Variants in ZHX2 observed in about 807,000 individuals in gnomAD.
ZHX2 encodes the protein zinc fingers and homeoboxes protein 2.
ZHX2 carries 6 observed loss-of-function variants against 21.9 expected under a neutral mutation model. The ratio of observed to expected loss-of-function variants is 0.27; its 90% CI spans 0.15 to 0.54. The LOEUF (loss-of-function observed/expected upper bound fraction) is 0.54, where lower values mean the gene tolerates loss of function less well. ZHX2 is among the 20% of genes least tolerant of loss of function. The probability of loss-of-function intolerance (pLI) is 0.95; values close to 1 mark genes in which losing one functional copy is unlikely to be tolerated. For synonymous variants in ZHX2, 434 were observed against 437.1 expected (o/e 0.99, Z 0.09); for missense variants, 908 against 1,090.7 (o/e 0.83, Z 2.36).
At chr8:122,851,203 G>A (rs1354368561) in intron 1 of ZHX2, among the ~76,000 whole-genome samples, 1 of 152,118 alleles carries the variant, frequency 6.6e-6, no homozygotes, top group Non-Finnish European at 1.5e-5. Flanking sequence ...AAGATTTATG[G>A]ATAAAATGAA....
At chr8:122,951,182 T>C (rs1464509826) in intron 2 of ZHX2, 110 bp from the exon 3 acceptor site, 2 of 270,422 alleles carry the variant, frequency 7.4e-6, no homozygotes, top group Non-Finnish European at 1.4e-5. Context: ...CATCCATAGA[T>C]GTTCGATTTG....
chr8:122,891,291 T>C lies in ZHX2; in HGVS notation c.-220+27752T>C, dbSNP rs1020653862. Reference sequence around the variant, plus strand: ...TAGATTGTGTGTGTGTGTGTGTGTGTGTGTGTGTGTGTGTGTGTGTGTGTG... The same window carrying C: ...TAGATTGTGTGTGTGTGTGTGTGTGCGTGTGTGTGTGTGTGTGTGTGTGTG... On this transcript the variant is annotated intron_variant, in intron 2 of 3. Coordinates refer to ENST00000314393, the MANE Select transcript of ZHX2 (RefSeq NM_014943.5). Among the ~76,000 whole-genome samples the C allele has an allele frequency of 2.6e-3, 390 of 147,862 alleles. 2 individuals carry two copies. The highest frequency in any genetic ancestry group is 9.4e-3 in the African/African-American group (380 of 40,580).
rs779695161 is a variant in ZHX2 at position 122,952,404 on chromosome 8, C to T, written c.894C>T (p.Ala298=). 4 of 1,614,186 alleles carry T rather than the reference C, an allele frequency of 2.5e-6. No individual in the cohort carries two copies. The highest frequency in any genetic ancestry group is 2.2e-5 in the South Asian group (2 of 91,088). Residue 298 remains alanine, a synonymous_variant, in exon 3 of 4, where the codon GCC becomes GCT. Coordinates refer to ENST00000314393, the MANE Select transcript of ZHX2 (RefSeq NM_014943.5). This position sits in a 1 kb window ranked among gnomAD's most constrained non-coding sequence, Gnocchi z 6.9. ...TQAELSWLTA[A]SKHPEEHIRI... Reference sequence around the variant, plus strand: ...CTGAGTTGTCCTGGCTGACAGCTGCCTCCAAACACCCAGAGGAGCACATCA... The same window carrying T: ...CTGAGTTGTCCTGGCTGACAGCTGCTTCCAAACACCCAGAGGAGCACATCA...
At chr8:122,852,004 C>A (rs145538483) in intron 1 of ZHX2, among the ~76,000 whole-genome samples, 2 of 152,314 alleles carry the variant, frequency 1.3e-5, no homozygotes, top group Non-Finnish European at 2.9e-5. Flanking sequence ...GGTTCTCCTT[C>A]CTGTTTAATT....
At chr8:122,839,600 G>C (rs1476603138) in intron 1 of ZHX2, among the ~76,000 whole-genome samples, 1 of 152,198 alleles carries the variant, frequency 6.6e-6, no homozygotes, top group African/African-American at 2.4e-5. Context: ...ATTGGAAGAG[G>C]CCTTAGGAAC....
chr8:122,795,448 C>T (rs1477105458), intron 1 of ZHX2, among the ~76,000 whole-genome samples: 1 of 152,214 alleles, frequency 6.6e-6, no homozygotes, highest in African/African-American at 2.4e-5. Flanking sequence ...GGCCTTATCC[C>T]TTGTTTCCTC....
chr8:122,865,361 C>T (rs1212029289), intron 2 of ZHX2, among the ~76,000 whole-genome samples: 1 of 152,118 alleles, frequency 6.6e-6, no homozygotes, highest in African/African-American at 2.4e-5. Context: ...ATCTCCTGAC[C>T]TCATGATCCG....
intron 2 of ZHX2, among the ~76,000 whole-genome samples, chr8:122,876,144 C>G (rs1819566579): frequency 7.2e-6 from 1 of 138,416 alleles, no homozygotes. Context: ...CTCCCTTGAT[C>G]CCTCCCTCCC....
chr8:122,920,919 G>A (rs968194158), intron 2 of ZHX2, among the ~76,000 whole-genome samples: 15 of 152,128 alleles, frequency 9.9e-5, no homozygotes, highest in African/African-American at 3.1e-4. Context: ...CAGCACCTAC[G>A]TTTGCGTCCT....
intron 1 of ZHX2, among the ~76,000 whole-genome samples, chr8:122,799,959 A>G (rs1817685165): frequency 6.6e-6 from 1 of 151,772 alleles, no homozygotes; most frequent in Non-Finnish European, 1.5e-5. Context: ...CACCTCCCAA[A>G]CGATTCTCCT....
chr8:122,829,720 G>A (rs545021027), intron 1 of ZHX2, among the ~76,000 whole-genome samples: 1 of 152,326 alleles, frequency 6.6e-6, no homozygotes, highest in South Asian at 2.1e-4. Context: ...TGTAAGAGTT[G>A]AGTGTTCTGA....
intron 1 of ZHX2, among the ~76,000 whole-genome samples, chr8:122,804,596 G>A (rs1377184420): frequency 3.3e-5 from 5 of 152,170 alleles, no homozygotes; most frequent in African/African-American, 2.4e-5. Context: ...TTGCTAGGCC[G>A]GAGGTATGCA....
At chr8:122,869,011 G>A (rs1180672228) in intron 2 of ZHX2, among the ~76,000 whole-genome samples, 3 of 152,232 alleles carry the variant, frequency 2.0e-5, no homozygotes, top group Non-Finnish European at 4.4e-5. Context: ...GCAGACAACA[G>A]ACAAGTGCAC....
intron 2 of ZHX2, among the ~76,000 whole-genome samples, chr8:122,878,321 C>T (rs773618239): frequency 1.3e-5 from 2 of 152,182 alleles, no homozygotes; most frequent in Middle Eastern, 3.2e-3. Flanking sequence ...ACTTATTTAG[C>T]ATGAAAGTCT....
At chr8:122,847,364 TG>T (rs2130729676) in intron 1 of ZHX2, among the ~76,000 whole-genome samples, 2 of 152,306 alleles carry the variant, frequency 1.3e-5, no homozygotes, top group South Asian at 4.1e-4. Context: ...CTGCCCCAGG[TG>T]GCCTTCCCTC....
At chr8:122,834,714 TA>T (rs1322950681) in intron 1 of ZHX2, among the ~76,000 whole-genome samples, 2 of 152,234 alleles carry the variant, frequency 1.3e-5, no homozygotes, top group Non-Finnish European at 2.9e-5. Context: ...AGGTTTAAGA[TA>T]GTGGTTCCTT....
At chr8:122,788,476 A>T (rs763627489) in intron 1 of ZHX2, among the ~76,000 whole-genome samples, 2 of 152,128 alleles carry the variant, frequency 1.3e-5, no homozygotes, top group Non-Finnish European at 2.9e-5. Flanking sequence ...CTAAGGCAGG[A>T]GGATCGCTTG....
At chr8:122,844,585 G>A (rs73333604) in intron 1 of ZHX2, among the ~76,000 whole-genome samples, 4,387 of 152,338 alleles carry the variant, frequency 0.029, 219 homozygotes, top group African/African-American at 0.099. Context: ...TCACAGATGA[G>A]TGAAGTGACG....
intron 2 of ZHX2, among the ~76,000 whole-genome samples, chr8:122,867,359 C>G (rs975743581): frequency 7.2e-5 from 11 of 152,308 alleles, no homozygotes; most frequent in African/African-American, 2.4e-4. Flanking sequence ...CCCAGCTCAC[C>G]AACTGGTGCT....
Sources: allele counts gnomAD v4.1 joint callset (sites outside exome capture counted in the v4.1 genomes callset), GRCh38; gene constraint gnomAD v4.1.1; non-coding constraint Gnocchi (gnomAD v3.1); transcripts MANE v1.5; gene names NCBI Gene and HGNC (gene_info 2026-07-23, HGNC 2026-07-21).